The following SDCBP variants were observed in gnomAD, a reference collection of about 807,000 sequenced individuals.
SDCBP encodes the protein syndecan binding protein, also known as syntenin-1.
SDCBP carries 22 observed loss-of-function variants against 30.5 expected under a neutral mutation model. The observed-to-expected ratio is 0.72, with a 90% CI of 0.52 to 1.03. The LOEUF (loss-of-function observed/expected upper bound fraction) is 1.03, where lower values mean the gene tolerates loss of function less well. Ranked by LOEUF, SDCBP falls within the 50% of genes least tolerant of loss-of-function variation. The pLI is 0.00. For synonymous variants in SDCBP, 103 were observed against 118.7 expected, an observed-to-expected ratio of 0.87 and a Z score of 0.86; for missense variants, 304 against 369.9, an observed-to-expected ratio of 0.82 and a Z score of 1.46.
At position 58,578,069 on chromosome 8, in the gene SDCBP, G is replaced by T. The variant is rs140482504; in HGVS notation, c.439G>T (p.Ala147Ser). 1.2e-4 allele frequency: 190 copies of T among 1,613,764 alleles called. No homozygotes were observed. The highest frequency in any genetic ancestry group is 1.5e-4 in the Non-Finnish European group (179 of 1,179,850). Residue 147 changes from alanine to serine, a missense_variant, in exon 6 of 9, where the codon GCC becomes TCC. Coordinates refer to ENST00000260130, the MANE Select transcript of SDCBP (RefSeq NM_005625.4). ...FVQLVQANSP[A>S]SLVGLRFGDQ... ...TCAGCTAGTCCAGGCTAATTCTCCA[G>T]CCTCATTGGTTGGTCTGAGATTTGG...
rs182846496 is a variant in SDCBP, at chr8:58,582,516, G to A, written c.*776G>A. 6 of 152,644 alleles carry A rather than the reference G, an allele frequency of 3.9e-5. No homozygotes were observed. Among genetic ancestry groups the A allele is most frequent in the Non-Finnish European group, 7.4e-5 (5 of 68,004 alleles). The allele number at this position is 152,644 out of a possible 1,614,324, so 9.5% of individuals were successfully genotyped here. On this transcript the variant is annotated 3_prime_UTR_variant, in exon 9 of 9. Coordinates refer to ENST00000260130, the MANE Select transcript of SDCBP (RefSeq NM_005625.4). ...TGAGATTTTTTAGTCAACACATAAT[G>A]GAAACTTCTTTCTTCTAAAAGTTGC...
chr8:58,570,883 T>A lies in SDCBP; in HGVS notation c.52-4T>A, dbSNP rs762129849. On this transcript the variant is annotated splice_polypyrimidine_tract_variant and splice_region_variant and intron_variant, in intron 2 of 8. Coordinates refer to ENST00000260130, the MANE Select transcript of SDCBP (RefSeq NM_005625.4). ...TGTTAGAATTTTCTTCTTTTCTTTT[T>A]CAGGCTCAAACTGCTTTTTCTGCAA... The A allele has an allele frequency of 4.3e-6, 7 of 1,611,074 alleles. No homozygotes were observed. The East Asian group carries it at 8.9e-5, about 21-fold the overall frequency.
At chr8:58,575,817 C>A in intron 4 of SDCBP, 83 bp from the exon 5 acceptor site, 1 of 1,269,060 alleles carries the variant, frequency 7.9e-7, no homozygotes, top group Non-Finnish European at 1.1e-6. Context: ...AAAGCCAAAA[C>A]TGAGTAAGTT....
chr8:58,579,377 G>A (rs1201428539), intron 6 of SDCBP, among the ~76,000 whole-genome samples: 2 of 152,094 alleles, frequency 1.3e-5, no homozygotes, highest in South Asian at 2.1e-4. Flanking sequence ...ATATAAAGCA[G>A]TTGTCTTTTA....
In SDCBP at chr8:58,582,451, T is replaced by G. The variant is rs1805745912; in HGVS notation, c.*711T>G. The G allele has an allele frequency of 6.6e-6, 1 of 152,662 alleles. No individual in the cohort carries two copies. Among genetic ancestry groups the G allele is most frequent in the African/African-American group, 2.4e-5 (1 of 41,464 alleles). The allele number at this position is 152,662 out of a possible 1,614,324, so 9.5% of individuals were successfully genotyped here. A position where few individuals can be genotyped will look rare whatever the true frequency, so the allele number is the denominator to read the frequency against. On this transcript the variant is annotated 3_prime_UTR_variant, in exon 9 of 9. Coordinates refer to ENST00000260130, the MANE Select transcript of SDCBP (RefSeq NM_005625.4). ...TGTACACTAGCCCAGAACAGTTTAA[T>G]GGTACTTACTGAGCTATAGCATAGC...
chr8:58,564,989 A>T (rs367817184), intron 1 of SDCBP, 30 bp from the exon 2 acceptor site: 8 of 1,248,392 alleles, frequency 6.4e-6, no homozygotes, highest in East Asian at 4.8e-5. Flanking sequence ...CTATGACATT[A>T]GAGTAATAAA....
At chr8:58,574,005 A>G (rs1471012090) in intron 4 of SDCBP, among the ~76,000 whole-genome samples, 2 of 152,182 alleles carry the variant, frequency 1.3e-5, no homozygotes, top group Non-Finnish European at 2.9e-5. Flanking sequence ...TTTCATGGTC[A>G]CTTATGATCT....
intron 1 of SDCBP, among the ~76,000 whole-genome samples, 151 bp downstream of exon 1, chr8:58,553,454 G>A (rs906480128): frequency 6.6e-6 from 1 of 152,156 alleles, no homozygotes; most frequent in African/African-American, 2.4e-5. Flanking sequence ...CTCTCCTCAG[G>A]GGGCTCCGCG....
At position 58,566,628 on chromosome 8, in the gene SDCBP, A is replaced by G. The variant is rs142549691; in HGVS notation, c.51+1544A>G. Among the ~76,000 whole-genome samples, 10 of 152,298 alleles carry G rather than the reference A, an allele frequency of 6.6e-5. No homozygotes were observed. The East Asian group carries it at 1.2e-3, about 18-fold the overall frequency. ...TCTTTTATTACCCCTGAATTTAAAAATATTCCTAATTTAGCCATTAAACTC... is the reference window on the plus strand; with the variant it reads ...TCTTTTATTACCCCTGAATTTAAAAGTATTCCTAATTTAGCCATTAAACTC... On this transcript the variant is annotated intron_variant, in intron 2 of 8. Transcript: ENST00000260130.
At chr8:58,567,870 A>G (rs80161864) in intron 2 of SDCBP, among the ~76,000 whole-genome samples, 2,885 of 152,306 alleles carry the variant, frequency 0.019, 47 homozygotes, top group African/African-American at 0.042. Flanking sequence ...CAGAAAAGGT[A>G]TGGTAAAAAT....
intron 1 of SDCBP, among the ~76,000 whole-genome samples, chr8:58,556,426 G>C (rs1804106643): frequency 6.6e-6 from 1 of 152,132 alleles, no homozygotes; most frequent in South Asian, 2.1e-4. Context: ...GACTGGTACT[G>C]GTCCATGGCC....
In SDCBP at chr8:58,561,759, A is replaced by G. The variant is rs1804453386; in HGVS notation, c.-15-3260A>G. 7.3e-6 allele frequency: 5 copies of G among 688,236 alleles called. No individual in the cohort carries two copies. In the East Asian group the frequency reaches 8.1e-5, roughly 11 times the overall value. 42.6% of individuals were successfully genotyped at this position (688,236 alleles called of 1,614,324 possible). A position where few individuals can be genotyped will look rare whatever the true frequency, so the allele number is the denominator to read the frequency against. On this transcript the variant is annotated intron_variant, in intron 1 of 8. Coordinates refer to ENST00000260130, the MANE Select transcript of SDCBP (RefSeq NM_005625.4). Reference sequence around the variant, plus strand: ...AAGTATAAAATTAAATGATAAAGCTATGGACAAATAGAGACCTGCATATTA... The same window carrying G: ...AAGTATAAAATTAAATGATAAAGCTGTGGACAAATAGAGACCTGCATATTA...
chr8:58,577,015 C>G (rs1243950330), intron 5 of SDCBP, among the ~76,000 whole-genome samples: 1 of 152,204 alleles, frequency 6.6e-6, no homozygotes, highest in Non-Finnish European at 1.5e-5. Context: ...ACTTTGCTGC[C>G]CTTTCTCCAG....
chr8:58,561,655 A>G, intron 1 of SDCBP: 1 of 517,826 alleles, frequency 1.9e-6, no homozygotes, highest in Admixed American at 3.7e-5. Flanking sequence ...TCAAAATCTG[A>G]GAGAGTTCAT....
intron 2 of SDCBP, among the ~76,000 whole-genome samples, chr8:58,566,005 T>C (rs147360793): frequency 2.1e-4 from 32 of 152,286 alleles, no homozygotes; most frequent in African/African-American, 6.7e-4. Flanking sequence ...CTATCATAGA[T>C]CCAGTATGGA....
At chr8:58,580,480 C>T (rs1350835989) in intron 7 of SDCBP, 37 bp from the exon 8 acceptor site, 9 of 995,666 alleles carry the variant, frequency 9.0e-6, no homozygotes, top group East Asian at 2.4e-5. Flanking sequence ...TAAATAAAGC[C>T]TCTGTGGAAT....
chr8:58,556,731 C>T (rs1804124692), intron 1 of SDCBP, among the ~76,000 whole-genome samples: 1 of 150,942 alleles, frequency 6.6e-6, no homozygotes, highest in Non-Finnish European at 1.5e-5. Context: ...TCGTTCTGTA[C>T]ACATATTTAA....
chr8:58,570,941 T>C lies in SDCBP; in HGVS notation c.106T>C (p.Ser36Pro). 1 of 1,612,718 alleles carries C rather than the reference T, an allele frequency of 6.2e-7. No homozygotes were observed. Among genetic ancestry groups the C allele is most frequent in the Non-Finnish European group, 8.5e-7 (1 of 1,178,906 alleles). ...CAATCCAGCAATTTTGTCAGAAGCT[T>C]CTGCTCCTATCCCTCACGATGGAAG... ...PANPAILSEA[S>P]APIPHDGNLY... Residue 36 changes from serine to proline, a missense_variant, in exon 3 of 9, where the codon TCT becomes CCT. Transcript: ENST00000260130.
intron 6 of SDCBP, 183 bp downstream of exon 6, chr8:58,578,391 C>T (rs62511970): frequency 8.9e-6 from 4 of 448,888 alleles, no homozygotes; most frequent in Non-Finnish European, 1.6e-5. Flanking sequence ...CATTCTGATA[C>T]GATACCTTAT....
Sources: gnomAD v4.1 joint callset for allele counts (sites outside exome capture counted in the v4.1 genomes callset) on GRCh38, gnomAD v4.1.1 for gene constraint, MANE v1.5 for transcripts, NCBI Gene and HGNC (gene_info 2026-07-23, HGNC 2026-07-21) for gene names.